The following CASP2 variants were observed in gnomAD, a reference collection of about 807,000 sequenced individuals.
CASP2 encodes caspase-2.
In CASP2, 38 loss-of-function variants were observed where a neutral mutation model predicts 54.4. The observed-to-expected ratio is 0.70, with a 90% confidence interval of 0.54 to 0.92. The LOEUF (loss-of-function observed/expected upper bound fraction) is 0.92, where lower values mean the gene tolerates loss of function less well. Among genes scored for constraint, CASP2 ranks in the 40% least tolerant of loss-of-function variants. The pLI is 0.00. For missense variants in CASP2, 512 were observed against 579.6 expected (o/e 0.88, Z 1.20); for synonymous variants, 215 against 216.3 (o/e 0.99, Z 0.05).
chr7:143,302,935 A>G (rs2116803438), intron 8 of CASP2: 1 of 152,286 alleles, frequency 6.6e-6, no homozygotes, highest in East Asian at 1.9e-4. Flanking sequence ...GGGAGAAAAC[A>G]GTCAAGTTCT....
rs950853995 is a variant in CASP2 at position 143,294,221 on chromosome 7, A to G, written c.476-9A>G. 1 of 1,549,926 alleles carries G rather than the reference A, an allele frequency of 6.5e-7. No homozygotes were observed. Reference sequence around the variant, plus strand: ...ATACTAGTTTTTTGGTTTTCTGTCTATACCACAGATACTGTGGAACACTCC... The same window carrying G: ...ATACTAGTTTTTTGGTTTTCTGTCTGTACCACAGATACTGTGGAACACTCC... On this transcript the variant is annotated splice_polypyrimidine_tract_variant and intron_variant, in intron 4 of 10. Transcript: ENST00000310447.
intron 2 of CASP2, 81 bp from the exon 3 acceptor site, chr7:143,292,219 A>G (rs1801596201): frequency 7.1e-7 from 1 of 1,402,574 alleles, no homozygotes; most frequent in Non-Finnish European, 1.0e-6. Flanking sequence ...GGATGAGGAC[A>G]CTACTAGGAA....
At chr7:143,300,350 A>C in intron 8 of CASP2, 56 bp downstream of exon 8, 1 of 1,607,492 alleles carries the variant, frequency 6.2e-7, no homozygotes, top group South Asian at 1.1e-5. Context: ...GCCTCCCACC[A>C]GCTCTCACTT....
Position 143,305,124 on chromosome 7 carries a change from G to A in CASP2, c.*53G>A. ...TGGAAGCCACTGGACCACAGGAGGT[G>A]TGATAGAGCCTTTGATCTTCAGGAT... On this transcript the variant is annotated 3_prime_UTR_variant, in exon 11 of 11. Coordinates refer to ENST00000310447, the MANE Select transcript of CASP2 (RefSeq NM_032982.4). 6.2e-7 allele frequency: 1 copy of A among 1,610,232 alleles called. No individual in the cohort carries two copies. The highest frequency in any genetic ancestry group is 1.1e-5 in the South Asian group (1 of 90,966).
chr7:143,303,621 A>AT (rs368340000), intron 8 of CASP2, 163 bp from the exon 9 acceptor site: 16,567 of 533,256 alleles, frequency 0.031, 17 homozygotes, highest in Non-Finnish European at 0.037. Context: ...GAGAGTAATA[A>AT]TTTTTTTTTT....
In CASP2 at chr7:143,290,040, A is replaced by G. The variant is rs1586450710; in HGVS notation, c.75-1500A>G. 2.0e-5 allele frequency among the ~76,000 whole-genome samples: 3 copies of G among 147,516 alleles called. No homozygotes were observed. The South Asian group carries it at 6.4e-4, about 32-fold the overall frequency. ...TGGTATTTCACTGACTCTAAGATAC[A>G]CATTTTTTCCCTCCCTTTTTTTTTT... On this transcript the variant is annotated intron_variant, in intron 1 of 10. Coordinates refer to ENST00000310447, the MANE Select transcript of CASP2 (RefSeq NM_032982.4).
At chr7:143,302,548 C>G (rs1801946099) in intron 8 of CASP2, 1 of 152,204 alleles carries the variant, frequency 6.6e-6, no homozygotes, top group African/African-American at 2.4e-5. Flanking sequence ...TTTCTCTTCA[C>G]TCTATCCCTA....
rs752735775 is a variant in CASP2 at position 143,292,693 on chromosome 7, C to T, written c.470C>T (p.Ser157Leu). ...SCPLYKKLRLSTDTVEHSLDN... is the reference protein window; with the variant it reads ...SCPLYKKLRLLTDTVEHSLDN... Reference sequence around the variant, plus strand: ...CCCCTTTACAAGAAGCTCCGCCTGTCGACAGGTGAGAATTGATGGACTAAA... The same window carrying T: ...CCCCTTTACAAGAAGCTCCGCCTGTTGACAGGTGAGAATTGATGGACTAAA... The change falls in exon 4 of 11, where the codon TCG becomes TTG. Residue 157 changes from serine to leucine, a missense_variant. Physicochemically the swap from Ser to Leu is moderately radical, Grantham distance 145. This residue lies in a region of CASP2 where 417 missense variants were observed against 495.4 expected (regional missense o/e 0.84). Transcript: ENST00000310447. The T allele has an allele frequency of 9.9e-6, 16 of 1,611,882 alleles. No homozygotes were observed. The East Asian group carries it at 2.2e-4, about 22-fold the overall frequency.
At position 143,291,551 on chromosome 7, in the gene CASP2, T is replaced by C; in HGVS notation, c.86T>C (p.Val29Ala). The change falls in exon 2 of 11, where the codon GTG becomes GCG. Residue 29 changes from valine (V) to alanine (A), a missense_variant. Val to Ala is a moderately conservative substitution (Grantham distance 64). Transcript: ENST00000310447. ...CCGTTTATCTGTAGGATATTGGGAG[T>C]GTGTGGCATGCATCCTCATCATCAG... ...AADRGRRILG[V>A]CGMHPHHQET... 6.2e-7 allele frequency: 1 copy of C among 1,613,992 alleles called. No homozygotes were observed.
chr7:143,294,355 G>T (rs1433945333), intron 5 of CASP2, 31 bp downstream of exon 5: 3 of 1,467,132 alleles, frequency 2.0e-6, no homozygotes, highest in African/African-American at 1.4e-5. Flanking sequence ...AAGAGGAAGA[G>T]AGTTGGGAAA....
At chr7:143,303,227 T>C (rs1015118612) in intron 8 of CASP2, 1 of 152,314 alleles carries the variant, frequency 6.6e-6, no homozygotes, top group Non-Finnish European at 1.5e-5. Context: ...TTCGAAGATA[T>C]CAAAACCACC....
intron 9 of CASP2, 69 bp from the exon 10 acceptor site, chr7:143,304,605 C>T (rs1292594562): frequency 1.1e-5 from 13 of 1,139,988 alleles, no homozygotes; most frequent in East Asian, 2.3e-5. Context: ...GTGTCATGGC[C>T]GAGTCTAGTT....
rs1802040357 is a variant in CASP2, at chr7:143,305,573, A to C, written c.*502A>C. ...ATGTAGACATTATCTTTTGGCTCTGAAGAAGCAAACATGACTAGAGACGCA... is the reference window on the plus strand; with the variant it reads ...ATGTAGACATTATCTTTTGGCTCTGCAGAAGCAAACATGACTAGAGACGCA... On this transcript the variant is annotated 3_prime_UTR_variant, in exon 11 of 11. Coordinates refer to ENST00000310447, the MANE Select transcript of CASP2 (RefSeq NM_032982.4). 3.7e-6 allele frequency: 1 copy of C among 267,496 alleles called. No individual in the cohort carries two copies. 16.6% of individuals were successfully genotyped at this position (267,496 alleles called of 1,614,324 possible).
rs781469725 is a variant in CASP2 at position 143,303,885 on chromosome 7, A to G, written c.1069A>G (p.Arg357Gly). 2 of 1,612,948 alleles carry G rather than the reference A, an allele frequency of 1.2e-6. No individual in the cohort carries two copies. The highest frequency in any genetic ancestry group is 1.1e-5 in the South Asian group (1 of 90,804). ...CGGTAAAGAAAAGTTGCCGAAGATG[A>G]GACTGCCCACGCGCTCAGACATGAT... ...DAGKEKLPKM[R>G]LPTRSDMICG... Residue 357 changes from arginine (R) to glycine (G), a missense_variant, in exon 9 of 11, where the codon AGA becomes GGA. This residue lies in a region of CASP2 where 417 missense variants were observed against 495.4 expected (regional missense o/e 0.84). Transcript: ENST00000310447.
At chr7:143,291,969 A>G (rs943175124) in intron 2 of CASP2, among the ~76,000 whole-genome samples, 4 of 151,720 alleles carry the variant, frequency 2.6e-5, no homozygotes, top group Admixed American at 2.6e-4. Flanking sequence ...TAGTAGAGAC[A>G]GGGTTTCACT....
intron 4 of CASP2, among the ~76,000 whole-genome samples, chr7:143,292,942 C>T (rs1001373128): frequency 2.6e-5 from 4 of 151,954 alleles, no homozygotes; most frequent in East Asian, 1.9e-4. Flanking sequence ...ACCCAGGAGA[C>T]GGAGGTTGCA....
rs1419514026 is a variant in CASP2, at chr7:143,300,050, A to C, written c.875A>C (p.Gln292Pro). The C allele has an allele frequency of 6.2e-7, 1 of 1,614,120 alleles. No homozygotes were observed. The highest frequency in any genetic ancestry group is 8.5e-7 in the Non-Finnish European group (1 of 1,180,000). Reference sequence around the variant, plus strand: ...TATGGTGTGGATGGGAAACTGCTCCAGGTGCGGATACCCTGGTGGAAGCCA... The same window carrying C: ...TATGGTGTGGATGGGAAACTGCTCCCGGTGCGGATACCCTGGTGGAAGCCA... ...AIYGVDGKLL[Q>P]LQEVFQLFDN... The change falls in exon 7 of 11, where the codon CAG becomes CCG. Residue 292 changes from glutamine (Q) to proline (P), a missense_variant and splice_region_variant. Transcript: ENST00000310447.
At chr7:143,303,754 CA>C (rs1801988838) in intron 8 of CASP2, 29 bp from the exon 9 acceptor site, 1 of 1,608,712 alleles carries the variant, frequency 6.2e-7, no homozygotes, top group Admixed American at 1.7e-5. Context: ...GAAGTAACAT[CA>C]TTGTCCATTC....
intron 8 of CASP2, 163 bp from the exon 9 acceptor site, chr7:143,303,621 A>ATTT: frequency 2.4e-5 from 13 of 533,868 alleles, no homozygotes; most frequent in Admixed American, 3.2e-5. Flanking sequence ...GAGAGTAATA[A>ATTT]TTTTTTTTTT....
Sources: gnomAD v4.1 joint callset for allele counts (sites outside exome capture counted in the v4.1 genomes callset) on GRCh38, gnomAD v4.1.1 for gene constraint, gnomAD v4.1.1 regional missense constraint, MANE v1.5 for transcripts, NCBI Gene and HGNC (gene_info 2026-07-23, HGNC 2026-07-21) for gene names.